MAGI1: variants seen among roughly 807,000 people sequenced by gnomAD.
The protein encoded by MAGI1 is membrane-associated guanylate kinase, WW and PDZ domain-containing protein 1.
In MAGI1, 58 loss-of-function variants were observed where a neutral mutation model predicts 139.9. The ratio of observed to expected loss-of-function variants is 0.41; its 90% CI spans 0.34 to 0.52. MAGI1 has a LOEUF of 0.52. Among genes scored for constraint, MAGI1 ranks in the 20% least tolerant of loss-of-function variants. The probability of loss-of-function intolerance (pLI) is 0.12; values close to 1 mark genes in which losing one functional copy is unlikely to be tolerated. For synonymous variants in MAGI1, 812 were observed against 737.9 expected, an observed-to-expected ratio of 1.10 and a Z score of -1.63; for missense variants, 1,874 against 1,901.6, an observed-to-expected ratio of 0.99 and a Z score of 0.27.
At chr3:65,756,944 G>T (rs541496491) in intron 1 of MAGI1, among the ~76,000 whole-genome samples, 1 of 152,250 alleles carries the variant, frequency 6.6e-6, no homozygotes, top group Admixed American at 6.5e-5. Flanking sequence ...TGCCAAATTT[G>T]AAAGTATTTT....
chr3:65,597,799 G>A (rs1359072224), intron 2 of MAGI1: 1 of 456,660 alleles, frequency 2.2e-6, no homozygotes, highest in Non-Finnish European at 4.4e-6. Flanking sequence ...GGAGATCATG[G>A]ACCACTTGTA....
chr3:65,700,333 T>G (rs2107607615), intron 1 of MAGI1, among the ~76,000 whole-genome samples: 1 of 152,094 alleles, frequency 6.6e-6, no homozygotes, highest in Middle Eastern at 3.4e-3. Context: ...TCCCAGCTAC[T>G]CAGGAGGCTG....
intron 8 of MAGI1, among the ~76,000 whole-genome samples, chr3:65,442,482 C>G (rs200625995): frequency 6.6e-6 from 1 of 150,964 alleles, no homozygotes; most frequent in African/African-American, 2.4e-5. Flanking sequence ...CCTGGCTTTT[C>G]TCATTCATTC....
chr3:65,420,897 C>T (rs1265075537), intron 12 of MAGI1, among the ~76,000 whole-genome samples: 2 of 152,102 alleles, frequency 1.3e-5, no homozygotes, highest in Non-Finnish European at 2.9e-5. Context: ...TTAGGTGTGC[C>T]AACCACTTTG....
At chr3:66,022,928 A>C (rs2107559059) in intron 1 of MAGI1, among the ~76,000 whole-genome samples, 1 of 152,358 alleles carries the variant, frequency 6.6e-6, no homozygotes, top group East Asian at 1.9e-4. Context: ...AACAAAGACG[A>C]AAGCACAGAA....
chr3:65,764,084 G>GAAAAAAAAAAAAAAAAA (rs5849691), intron 1 of MAGI1, among the ~76,000 whole-genome samples: 1 of 125,494 alleles, frequency 8.0e-6, no homozygotes. Flanking sequence ...AAGAAAAAAA[G>GAAAAAAAAAAAAAAAAA]AAAAAAAAAA....
chr3:65,982,749 T>C (rs2065654731), intron 1 of MAGI1, among the ~76,000 whole-genome samples: 1 of 152,128 alleles, frequency 6.6e-6, no homozygotes, highest in East Asian at 1.9e-4. Flanking sequence ...ACTGTATATC[T>C]AAGCTCAGTA....
chr3:65,550,452 T>C (rs958575038), intron 2 of MAGI1, among the ~76,000 whole-genome samples: 3 of 152,166 alleles, frequency 2.0e-5, no homozygotes, highest in Non-Finnish European at 4.4e-5. Flanking sequence ...CTGGCAAGAA[T>C]AAAACTTGAA....
rs58258730 is a variant in MAGI1 at position 65,930,315 on chromosome 3, CAAA to C, written c.313+107678_313+107680del. ...TGGGCGAAAGAGCAAGACTCCGTCT[CAAA>C]AAAAAAAAAAAAAAAAAAAAAAATG... On this transcript the variant is annotated intron_variant, in intron 1 of 22. Transcript: ENST00000402939. Among the ~76,000 whole-genome samples the C allele has an allele frequency of 8.1e-4, 71 of 87,610 alleles. 1 individual carries two copies. The highest frequency in any genetic ancestry group is 3.9e-3 in the East Asian group (13 of 3,326). The allele number at this position is 87,610 out of a possible 152,430, so 57.5% of individuals were successfully genotyped here.
intron 2 of MAGI1, among the ~76,000 whole-genome samples, chr3:65,572,707 T>C (rs1249717115): frequency 6.6e-6 from 1 of 152,100 alleles, no homozygotes; most frequent in Non-Finnish European, 1.5e-5. Flanking sequence ...TTATTATCCT[T>C]ATTATCCTTA....
intron 12 of MAGI1, among the ~76,000 whole-genome samples, chr3:65,425,108 TAAAAAAAAAAAAAA>T (rs72030632): frequency 1.5e-5 from 1 of 66,596 alleles, no homozygotes; most frequent in African/African-American, 6.1e-5. Flanking sequence ...GTAGAACTTC[TAAAAAAAAAAAAAA>T]AAAAAAAAAA....
chr3:65,611,051 A>C (rs1235653858), intron 2 of MAGI1, among the ~76,000 whole-genome samples: 1 of 136,930 alleles, frequency 7.3e-6, no homozygotes, highest in Non-Finnish European at 1.5e-5. Context: ...CTATATACAT[A>C]TATACATACA....
intron 1 of MAGI1, among the ~76,000 whole-genome samples, chr3:65,694,803 ACCAAAGACTT>A (rs1380979779): frequency 6.6e-6 from 1 of 152,198 alleles, no homozygotes; most frequent in African/African-American, 2.4e-5. Context: ...ATTAATTACA[ACCAAAGACTT>A]CCATAACAAA....
rs189006176 is a variant in MAGI1 at position 65,805,296 on chromosome 3, T to A, written c.314-183208A>T. 1.7e-3 allele frequency among the ~76,000 whole-genome samples: 261 copies of A among 152,256 alleles called. 1 individual carries two copies. Among genetic ancestry groups the A allele is most frequent in the Middle Eastern group, 6.8e-3 (2 of 294 alleles). On this transcript the variant is annotated intron_variant, in intron 1 of 22. Transcript: ENST00000402939. Reference sequence around the variant, plus strand: ...GGCAAAAGACAAGAACAGACACTTCTCAAAAGAAGTCATTTATGCAGCCAA... The same window carrying A: ...GGCAAAAGACAAGAACAGACACTTCACAAAAGAAGTCATTTATGCAGCCAA...
chr3:65,514,087 G>A (rs1366650339), intron 2 of MAGI1, among the ~76,000 whole-genome samples: 1 of 147,184 alleles, frequency 6.8e-6, no homozygotes, highest in Non-Finnish European at 1.5e-5. Context: ...AATGGTGCTG[G>A]GAAAATTGGC....
intron 12 of MAGI1, among the ~76,000 whole-genome samples, chr3:65,408,969 T>C (rs1945565054): frequency 6.6e-6 from 1 of 152,216 alleles, no homozygotes; most frequent in Non-Finnish European, 1.5e-5. Context: ...CAGAGAGTGG[T>C]AACTTCTGTG....
At chr3:65,515,732 ACTCT>A (rs2107776760) in intron 2 of MAGI1, among the ~76,000 whole-genome samples, 1 of 152,312 alleles carries the variant, frequency 6.6e-6, no homozygotes, top group Non-Finnish European at 1.5e-5. Flanking sequence ...CTTCAGCCAA[ACTCT>A]CAGCCATCAG....
At chr3:65,521,683 G>GTT (rs35751731) in intron 2 of MAGI1, among the ~76,000 whole-genome samples, 47,563 of 151,792 alleles carry the variant, frequency 0.31, 9,145 homozygotes, top group East Asian at 0.73. Flanking sequence ...GGTAATAAAT[G>GTT]TTATACTCTT....
chr3:65,597,575 T>C (rs1369146455), intron 2 of MAGI1: 2 of 433,016 alleles, frequency 4.6e-6, no homozygotes, highest in Non-Finnish European at 9.5e-6. Flanking sequence ...CGCAGCCATC[T>C]GGCCCTCCCA....
Sources: allele counts gnomAD v4.1 joint callset (sites outside exome capture counted in the v4.1 genomes callset), GRCh38; gene constraint gnomAD v4.1.1; transcripts MANE v1.5; gene names NCBI Gene and HGNC (gene_info 2026-07-23, HGNC 2026-07-21).